YAF2: variants seen among roughly 807,000 people sequenced by gnomAD.
The protein encoded by YAF2 is YY1 associated factor 2.
YAF2 carries 7 observed loss-of-function variants against 20.1 expected under a neutral mutation model. The observed-to-expected ratio is 0.35, with a 90% CI of 0.20 to 0.65. The LOEUF is 0.65. Ranked by LOEUF, YAF2 falls within the 30% of genes least tolerant of loss-of-function variation. The pLI is 0.69. For synonymous variants in YAF2, 74 were observed against 76.0 expected (o/e 0.97, Z 0.14); for missense variants, 151 against 219.2 (o/e 0.69, Z 1.96).
chr12:42,232,952 A>C (rs1479449112), intron 2 of YAF2: 2 of 985,292 alleles, frequency 2.0e-6, no homozygotes, highest in East Asian at 1.1e-4. Flanking sequence ...ACTAAACCTC[A>C]CATATAGAGC....
At chr12:42,228,543 G>A (rs1465689526) in intron 2 of YAF2, among the ~76,000 whole-genome samples, 7 of 52,266 alleles carry the variant, frequency 1.3e-4, no homozygotes, top group African/African-American at 7.5e-4. Flanking sequence ...GCCTCTGCCC[G>A]GCCGCCCCTA....
intron 2 of YAF2, among the ~76,000 whole-genome samples, chr12:42,205,480 A>G (rs563202998): frequency 6.6e-6 from 1 of 152,122 alleles, no homozygotes; most frequent in Non-Finnish European, 1.5e-5. Flanking sequence ...TGTTCAAGCA[A>G]TTCTCTGCCT....
intron 2 of YAF2, among the ~76,000 whole-genome samples, chr12:42,183,306 G>C (rs2066392385): frequency 6.6e-6 from 1 of 152,160 alleles, no homozygotes; most frequent in African/African-American, 2.4e-5. Context: ...GCGAGGAAGA[G>C]GCATACATCT....
In YAF2 at chr12:42,157,755, A is replaced by C. The variant is rs1191662108; in HGVS notation, c.*2834T>G. On this transcript the variant is annotated 3_prime_UTR_variant, in exon 4 of 4. Coordinates refer to ENST00000534854, the MANE Select transcript of YAF2 (RefSeq NM_005748.6). ...TTTAAGAATATTCTTCTGTGCCTCAAATTATATTCACTTTTTAAATATACA... is the reference window on the plus strand; with the variant it reads ...TTTAAGAATATTCTTCTGTGCCTCACATTATATTCACTTTTTAAATATACA... 1 of 151,418 alleles carries C rather than the reference A, an allele frequency of 6.6e-6. No individual in the cohort carries two copies. Among genetic ancestry groups the C allele is most frequent in the Non-Finnish European group, 1.5e-5 (1 of 67,944 alleles). 9.4% of individuals were successfully genotyped at this position (151,418 alleles called of 1,614,324 possible).
chr12:42,207,675 A>T (rs190149832), intron 2 of YAF2, among the ~76,000 whole-genome samples: 1 of 151,076 alleles, frequency 6.6e-6, no homozygotes, highest in African/African-American at 2.4e-5. Context: ...GGCAGATCAC[A>T]AGGTCAGGCG....
chr12:42,193,396 G>GT, intron 2 of YAF2, among the ~76,000 whole-genome samples: 1 of 151,518 alleles, frequency 6.6e-6, no homozygotes, highest in South Asian at 2.1e-4. Context: ...ACTGTTACTA[G>GT]TTTATGTATT....
intron 2 of YAF2, among the ~76,000 whole-genome samples, chr12:42,216,191 A>G (rs2137271079): frequency 6.6e-6 from 1 of 152,262 alleles, no homozygotes; most frequent in South Asian, 2.1e-4. Context: ...CTACCTACCA[A>G]TATTAACCTC....
intron 2 of YAF2, among the ~76,000 whole-genome samples, chr12:42,181,140 G>C (rs563591198): frequency 6.6e-6 from 1 of 152,302 alleles, no homozygotes; most frequent in South Asian, 2.1e-4. Context: ...AGCACATTCA[G>C]AGTGGGACAA....
intron 2 of YAF2, among the ~76,000 whole-genome samples, chr12:42,209,055 C>G (rs927477482): frequency 6.6e-6 from 1 of 152,126 alleles, no homozygotes; most frequent in African/African-American, 2.4e-5. Flanking sequence ...GTAACATTTA[C>G]AAATATCAAT....
chr12:42,201,086 T>A (rs533139240), intron 2 of YAF2, among the ~76,000 whole-genome samples: 1 of 152,336 alleles, frequency 6.6e-6, no homozygotes, highest in African/African-American at 2.4e-5. Flanking sequence ...ATAGCCTAAA[T>A]ATAGATGTAG....
chr12:42,202,605 A>G (rs891869999), intron 2 of YAF2, among the ~76,000 whole-genome samples: 1 of 152,130 alleles, frequency 6.6e-6, no homozygotes, highest in Non-Finnish European at 1.5e-5. Flanking sequence ...GTTCTTTGTC[A>G]TTGTATATAG....
At chr12:42,220,439 G>A (rs2067479981) in intron 2 of YAF2, among the ~76,000 whole-genome samples, 1 of 152,122 alleles carries the variant, frequency 6.6e-6, no homozygotes, top group African/African-American at 2.4e-5. Context: ...TCTAGTAAAG[G>A]AAGAACTGTT....
rs151209657 is a variant in YAF2 at position 42,194,107 on chromosome 12, A to T, written c.153-32342T>A. On this transcript the variant is annotated intron_variant, in intron 2 of 3. Coordinates refer to ENST00000534854, the MANE Select transcript of YAF2 (RefSeq NM_005748.6). The stretch of plus-strand genomic sequence containing the variant: ...AGTGTCACTACAAAAGAGTGAAAAC[A>T]TTAAAAAAATTAATACTAAGCTCAT... 2.6e-5 allele frequency among the ~76,000 whole-genome samples: 4 copies of T among 152,250 alleles called. No homozygotes were observed. The South Asian group carries it at 8.3e-4, about 31-fold the overall frequency.
intron 2 of YAF2, among the ~76,000 whole-genome samples, chr12:42,207,243 A>G (rs1051485742): frequency 1.3e-5 from 2 of 152,224 alleles, no homozygotes; most frequent in Admixed American, 6.5e-5. Flanking sequence ...GGCTTGTCTA[A>G]TGATTGGACA....
Position 42,158,432 on chromosome 12 carries a change from G to A in YAF2, c.*2157C>T, listed in dbSNP as rs2065741230. 1 of 152,092 alleles carries A rather than the reference G, an allele frequency of 6.6e-6. No individual in the cohort carries two copies. The highest frequency in any genetic ancestry group is 2.4e-5 in the African/African-American group (1 of 41,406). 9.4% of individuals were successfully genotyped at this position (152,092 alleles called of 1,614,324 possible). The stretch of plus-strand genomic sequence containing the variant: ...TAATGGGATTTTACCTATAACAATG[G>A]TAAAAGCTCACATTTACTGAGTGAC... On this transcript the variant is annotated 3_prime_UTR_variant, in exon 4 of 4. Transcript: ENST00000534854.
At chr12:42,229,283 G>A (rs1444502835) in intron 2 of YAF2, among the ~76,000 whole-genome samples, 8 of 126,204 alleles carry the variant, frequency 6.3e-5, no homozygotes, top group African/African-American at 1.8e-4. Context: ...GCGGAAGGCC[G>A]CAGGGTCCTC....
chr12:42,213,710 C>T (rs2067274729), intron 2 of YAF2, among the ~76,000 whole-genome samples: 1 of 152,172 alleles, frequency 6.6e-6, no homozygotes, highest in South Asian at 2.1e-4. Flanking sequence ...ATTTCATTAT[C>T]ATTTTAAAAG....
At chr12:42,173,128 T>C (rs965484751) in intron 2 of YAF2, among the ~76,000 whole-genome samples, 1 of 152,186 alleles carries the variant, frequency 6.6e-6, no homozygotes, top group Non-Finnish European at 1.5e-5. Context: ...GGTCTCGCTC[T>C]ATTGCCCAGA....
intron 2 of YAF2, among the ~76,000 whole-genome samples, chr12:42,170,627 T>C (rs1348077132): frequency 6.6e-6 from 1 of 152,142 alleles, no homozygotes; most frequent in South Asian, 2.1e-4. Flanking sequence ...CTGGGCAATA[T>C]GGTGAAACCC....
Sources: allele counts gnomAD v4.1 joint callset (sites outside exome capture counted in the v4.1 genomes callset), GRCh38; gene constraint gnomAD v4.1.1; transcripts MANE v1.5; gene names NCBI Gene and HGNC (gene_info 2026-07-23, HGNC 2026-07-21).